Variants in MAST2 observed in about 807,000 individuals in gnomAD.
MAST2 encodes microtubule-associated serine/threonine-protein kinase 2.
A neutral mutation model predicts 147.4 loss-of-function variants in MAST2; 70 were observed. That is an observed-to-expected ratio of 0.47 (90% confidence interval 0.39 to 0.58). The LOEUF (loss-of-function observed/expected upper bound fraction) is 0.58, where lower values mean the gene tolerates loss of function less well. Ranked by LOEUF, MAST2 falls within the 20% of genes least tolerant of loss-of-function variation. The pLI, the probability that MAST2 is intolerant of heterozygous loss-of-function variation, is 0.00. For missense variants in MAST2, 2,080 were observed against 2,302.3 expected (o/e 0.90, Z 1.98); for synonymous variants, 869 against 896.8 (o/e 0.97, Z 0.55).
chr1:45,935,305 G>C (rs993715123), intron 4 of MAST2, among the ~76,000 whole-genome samples: 4 of 152,110 alleles, frequency 2.6e-5, no homozygotes, highest in African/African-American at 9.7e-5. Flanking sequence ...ACCTTTGTCA[G>C]ATGTATATTT....
intron 1 of MAST2, among the ~76,000 whole-genome samples, chr1:45,814,278 G>T (rs1317252465): frequency 6.6e-6 from 1 of 152,008 alleles, no homozygotes; most frequent in African/African-American, 2.4e-5. Context: ...TCCAGGGAAG[G>T]CATTGTTACC....
intron 4 of MAST2, among the ~76,000 whole-genome samples, chr1:45,935,408 A>G (rs1656042142): frequency 6.6e-6 from 1 of 152,020 alleles, no homozygotes; most frequent in African/African-American, 2.4e-5. Context: ...ATTAGGTCCC[A>G]TTTGTCAATT....
At chr1:45,805,184 G>A (rs1267123797) in intron 1 of MAST2, among the ~76,000 whole-genome samples, 2 of 152,220 alleles carry the variant, frequency 1.3e-5, no homozygotes, top group Middle Eastern at 6.8e-3. Flanking sequence ...GGCTAGCTGG[G>A]ATTACAGGTG....
chr1:45,865,178 T>C (rs1277095900), intron 3 of MAST2: 2 of 454,776 alleles, frequency 4.4e-6, no homozygotes, highest in South Asian at 3.1e-5. Context: ...TCTCCTTCCT[T>C]TTAATGTCTC....
At chr1:46,019,269 A>C (rs1261054824) in intron 10 of MAST2, among the ~76,000 whole-genome samples, 1 of 152,152 alleles carries the variant, frequency 6.6e-6, no homozygotes, top group African/African-American at 2.4e-5. Context: ...TCTAGGGTGG[A>C]AAGTGAACAT....
chr1:45,881,147 T>C (rs1463599837), intron 3 of MAST2, among the ~76,000 whole-genome samples: 1 of 152,186 alleles, frequency 6.6e-6, no homozygotes, highest in Non-Finnish European at 1.5e-5. Flanking sequence ...AGAAACTTTT[T>C]CTACATGCGC....
chr1:45,813,326 T>C (rs1557795023), intron 1 of MAST2, among the ~76,000 whole-genome samples: 1 of 151,956 alleles, frequency 6.6e-6, no homozygotes. Context: ...AAGATTATTA[T>C]TATTATTATC....
intron 4 of MAST2, among the ~76,000 whole-genome samples, chr1:45,918,638 A>C (rs1407680453): frequency 1.3e-5 from 2 of 152,034 alleles, no homozygotes; most frequent in African/African-American, 4.8e-5. Context: ...GGGTTTCACC[A>C]TATTGACCAG....
At position 46,031,671 on chromosome 1, in the gene MAST2, G is replaced by C; in HGVS notation, c.3187+86G>C. On this transcript the variant is annotated intron_variant, in intron 24 of 28. Transcript: ENST00000361297. This position sits in a 1 kb window ranked among gnomAD's most constrained non-coding sequence, Gnocchi z 4.1. ...TGGGAGGGTTCTGCACGTGGCAGGT[G>C]TGTGTGTGTGTGTTAAGCACAGATC... is the stretch of plus-strand genomic sequence containing the variant. 1 of 1,236,090 alleles carries C rather than the reference G, an allele frequency of 8.1e-7. No homozygotes were observed. The allele number at this position is 1,236,090 out of a possible 1,614,324, so 76.6% of individuals were successfully genotyped here. A position where few individuals can be genotyped will look rare whatever the true frequency, so the allele number is the denominator to read the frequency against.
At chr1:45,899,873 ATTTCT>A (rs1649450427) in intron 4 of MAST2, among the ~76,000 whole-genome samples, 1 of 151,816 alleles carries the variant, frequency 6.6e-6, no homozygotes, top group South Asian at 2.1e-4. Flanking sequence ...TTTTTTTAAG[ATTTCT>A]TTTCCCGGCC....
At chr1:45,967,039 C>T (rs1661329089) in intron 5 of MAST2, among the ~76,000 whole-genome samples, 1 of 151,720 alleles carries the variant, frequency 6.6e-6, no homozygotes. Context: ...AGCACGATGG[C>T]TCACACTTGT....
chr1:45,806,762 A>C (rs927941208), intron 1 of MAST2, among the ~76,000 whole-genome samples: 1 of 152,126 alleles, frequency 6.6e-6, no homozygotes, highest in African/African-American at 2.4e-5. Context: ...TTTTTAGTGG[A>C]GATGGGGTTT....
Position 45,837,975 on chromosome 1 carries a change from C to T in MAST2, c.468+8394C>T, listed in dbSNP as rs117539243. The stretch of plus-strand genomic sequence containing the variant: ...CGTATTTTTAGTAGAGGTGGGGTTT[C>T]GCCGTGTTGGTCAAGCTTGTCTCGA... On this transcript the variant is annotated intron_variant, in intron 3 of 28. Coordinates refer to ENST00000361297, the MANE Select transcript of MAST2 (RefSeq NM_015112.3). Among the ~76,000 whole-genome samples, 448 of 152,070 alleles carry T rather than the reference C, an allele frequency of 2.9e-3. 3 individuals carry two copies. The highest frequency in any genetic ancestry group is 0.02 in the East Asian group (105 of 5,170).
At chr1:46,019,271 A>G (rs117109618) in intron 10 of MAST2, among the ~76,000 whole-genome samples, 1 of 152,288 alleles carries the variant, frequency 6.6e-6, no homozygotes, top group East Asian at 1.9e-4. Flanking sequence ...TAGGGTGGAA[A>G]GTGAACATCA....
In MAST2 at chr1:45,882,055, G is replaced by C. The variant is rs563061978; in HGVS notation, c.469-309G>C. ...AAAAAAAAAAAAATTAGCCAGGCGT[G>C]GTGGCGGGTGCCTGTAGTCCCAGCT... On this transcript the variant is annotated intron_variant, in intron 3 of 28. Transcript: ENST00000361297. 2.7e-3 allele frequency among the ~76,000 whole-genome samples: 397 copies of C among 148,328 alleles called. 2 individuals carry two copies. Among genetic ancestry groups the C allele is most frequent in the African/African-American group, 9.1e-3 (367 of 40,320 alleles).
intron 5 of MAST2, among the ~76,000 whole-genome samples, chr1:45,974,831 A>G (rs1644068937): frequency 6.6e-6 from 1 of 152,208 alleles, no homozygotes; most frequent in African/African-American, 2.4e-5. Flanking sequence ...GATTTTGGAA[A>G]GATTGTGTGA....
intron 3 of MAST2, among the ~76,000 whole-genome samples, chr1:45,832,555 A>G (rs996051212): frequency 6.6e-6 from 1 of 152,058 alleles, no homozygotes; most frequent in African/African-American, 2.4e-5. Context: ...TGGCCTCCCT[A>G]AGTGCTGGGG....
At chr1:45,860,267 C>A (rs1645933686) in intron 3 of MAST2, among the ~76,000 whole-genome samples, 1 of 151,048 alleles carries the variant, frequency 6.6e-6, no homozygotes, top group African/African-American at 2.4e-5. Flanking sequence ...ACCTGTAATC[C>A]CAGCTACTCG....
At chr1:45,888,498 G>C (rs1647189079) in intron 4 of MAST2, among the ~76,000 whole-genome samples, 1 of 146,838 alleles carries the variant, frequency 6.8e-6, no homozygotes, top group East Asian at 2.1e-4. Context: ...GAGTAGCTGG[G>C]ACTACAGGCC....
Sources: gnomAD v4.1 joint callset for allele counts (sites outside exome capture counted in the v4.1 genomes callset) on GRCh38, gnomAD v4.1.1 for gene constraint, Gnocchi (gnomAD v3.1) non-coding constraint, MANE v1.5 for transcripts, NCBI Gene and HGNC (gene_info 2026-07-23, HGNC 2026-07-21) for gene names.